The following KCNH8 variants were observed in gnomAD, a reference collection of about 807,000 sequenced individuals.
KCNH8 encodes voltage-gated delayed rectifier potassium channel KCNH8.
A neutral mutation model predicts 103.6 loss-of-function variants in KCNH8; 70 were observed. That is an observed-to-expected ratio of 0.68 (90% CI 0.56 to 0.82). The LOEUF (loss-of-function observed/expected upper bound fraction) is 0.82, where lower values mean the gene tolerates loss of function less well. Ranked by LOEUF, KCNH8 falls within the 40% of genes least tolerant of loss-of-function variation. KCNH8 has a pLI of 0.00. For missense variants in KCNH8, 1,217 were observed against 1,329.9 expected (o/e 0.92, Z 1.32); for synonymous variants, 498 against 489.4 (o/e 1.02, Z -0.23).
chr3:19,244,799 C>T (rs938337604), intron 1 of KCNH8, among the ~76,000 whole-genome samples: 1 of 151,758 alleles, frequency 6.6e-6, no homozygotes, highest in African/African-American at 2.4e-5. Context: ...ATGTCCTTTG[C>T]CCATTTGTAA....
At chr3:19,435,380 T>A (rs1315970519) in intron 7 of KCNH8, among the ~76,000 whole-genome samples, 1 of 152,210 alleles carries the variant, frequency 6.6e-6, no homozygotes, top group African/African-American at 2.4e-5. Context: ...TGATTATTAA[T>A]GAAATAACGA....
intron 3 of KCNH8, among the ~76,000 whole-genome samples, chr3:19,310,026 T>G: frequency 6.6e-6 from 1 of 151,890 alleles, no homozygotes; most frequent in Non-Finnish European, 1.5e-5. Context: ...AAATAGGAAC[T>G]CTGCATCCCA....
intron 1 of KCNH8, among the ~76,000 whole-genome samples, chr3:19,165,658 T>C (rs1424151740): frequency 6.6e-6 from 1 of 152,342 alleles, no homozygotes; most frequent in East Asian, 1.9e-4. Context: ...GGCAACTTTA[T>C]AGGTTGAGCT....
At chr3:19,402,055 C>G (rs1250980611) in intron 7 of KCNH8, among the ~76,000 whole-genome samples, 1 of 151,912 alleles carries the variant, frequency 6.6e-6, no homozygotes, top group Non-Finnish European at 1.5e-5. Flanking sequence ...ATTCTGTTAT[C>G]ATGTAAGTTT....
intron 5 of KCNH8, among the ~76,000 whole-genome samples, chr3:19,349,379 C>T (rs2065769776): frequency 6.6e-6 from 1 of 151,970 alleles, no homozygotes; most frequent in Non-Finnish European, 1.5e-5. Flanking sequence ...ATGATGCACA[C>T]ATAAATTAGC....
intron 11 of KCNH8, among the ~76,000 whole-genome samples, chr3:19,506,964 T>A (rs2068704693): frequency 6.6e-6 from 1 of 152,056 alleles, no homozygotes; most frequent in Non-Finnish European, 1.5e-5. Flanking sequence ...CCTTCCCCAG[T>A]CCGAGGGCAG....
chr3:19,456,460 G>T (rs1209745794), intron 10 of KCNH8, among the ~76,000 whole-genome samples: 1 of 151,978 alleles, frequency 6.6e-6, no homozygotes, highest in African/African-American at 2.4e-5. Context: ...ATTGTTGAAT[G>T]GGAAGTAGAG....
intron 11 of KCNH8, among the ~76,000 whole-genome samples, chr3:19,507,010 G>C (rs1437581001): frequency 6.6e-6 from 1 of 152,144 alleles, no homozygotes; most frequent in Non-Finnish European, 1.5e-5. Flanking sequence ...CCATGGGAGT[G>C]GGCCTTCAAT....
chr3:19,287,174 A>G (rs1183022748), intron 3 of KCNH8, among the ~76,000 whole-genome samples: 1 of 151,928 alleles, frequency 6.6e-6, no homozygotes, highest in African/African-American at 2.4e-5. Context: ...AGGAGGGAGG[A>G]AAGAAGTAGG....
intron 3 of KCNH8, among the ~76,000 whole-genome samples, chr3:19,306,515 G>T (rs796192731): frequency 3.9e-5 from 6 of 152,234 alleles, no homozygotes; most frequent in African/African-American, 1.2e-4. Context: ...CAATATGCTG[G>T]TTAGTCTCAT....
chr3:19,246,708 T>C (rs1408180714), intron 1 of KCNH8, among the ~76,000 whole-genome samples: 1 of 152,180 alleles, frequency 6.6e-6, no homozygotes, highest in Non-Finnish European at 1.5e-5. Flanking sequence ...TTACTGTCAC[T>C]AGGTTCTTGT....
intron 3 of KCNH8, among the ~76,000 whole-genome samples, chr3:19,284,527 G>A (rs1045674617): frequency 1.3e-5 from 2 of 149,282 alleles, no homozygotes; most frequent in African/African-American, 5.0e-5. Context: ...GTGTGTGTGT[G>A]TGTGTGTGTG....
intron 3 of KCNH8, among the ~76,000 whole-genome samples, chr3:19,313,436 T>A (rs939129926): frequency 6.6e-6 from 1 of 151,908 alleles, no homozygotes; most frequent in African/African-American, 2.4e-5. Flanking sequence ...AATATAACAT[T>A]TCTAAGGCTT....
At chr3:19,452,770 G>A (rs2067468888) in intron 10 of KCNH8, among the ~76,000 whole-genome samples, 1 of 152,136 alleles carries the variant, frequency 6.6e-6, no homozygotes. Flanking sequence ...AACACAGAGA[G>A]ACAGATGGTG....
intron 2 of KCNH8, among the ~76,000 whole-genome samples, chr3:19,260,527 TATA>T (rs2064419243): frequency 1.6e-5 from 2 of 125,502 alleles, no homozygotes; most frequent in Admixed American, 7.8e-5. Context: ...TATATATATA[TATA>T]TATAGTAAAA....
At chr3:19,347,542 C>A (rs1377554931) in intron 4 of KCNH8, among the ~76,000 whole-genome samples, 183 bp from the exon 5 acceptor site, 1 of 152,016 alleles carries the variant, frequency 6.6e-6, no homozygotes, top group East Asian at 1.9e-4. Flanking sequence ...TTCCTTATAA[C>A]AAAGATCTCT....
intron 2 of KCNH8, among the ~76,000 whole-genome samples, chr3:19,274,439 A>G (rs2064633916): frequency 6.6e-6 from 1 of 152,152 alleles, no homozygotes; most frequent in African/African-American, 2.4e-5. Context: ...ATTTCCTACT[A>G]TAAAACTATC....
intron 11 of KCNH8, among the ~76,000 whole-genome samples, chr3:19,461,886 A>T (rs1370337050): frequency 6.6e-6 from 1 of 151,972 alleles, no homozygotes; most frequent in African/African-American, 2.4e-5. Flanking sequence ...CTCATTGTTC[A>T]ATTCCTACCT....
At chr3:19,377,459 A>G (rs1001310354) in intron 5 of KCNH8, among the ~76,000 whole-genome samples, 3 of 152,196 alleles carry the variant, frequency 2.0e-5, no homozygotes, top group Admixed American at 1.3e-4. Context: ...CGTAGGGACA[A>G]TTTCTTTTTA....
Sources: allele counts gnomAD v4.1 joint callset (sites outside exome capture counted in the v4.1 genomes callset), GRCh38; gene constraint gnomAD v4.1.1; transcripts MANE v1.5; gene names NCBI Gene and HGNC (gene_info 2026-07-23, HGNC 2026-07-21).